The following IKZF2 variants were observed in gnomAD, a reference collection of about 807,000 sequenced individuals.
IKZF2 encodes the protein zinc finger protein Helios.
A neutral mutation model predicts 49.2 loss-of-function variants in IKZF2; 15 were observed. The observed-to-expected ratio is 0.30, with a 90% CI of 0.20 to 0.47. IKZF2 has a LOEUF of 0.47. Ranked by LOEUF, IKZF2 falls within the 20% of genes least tolerant of loss-of-function variation. IKZF2 has a pLI of 1.00. For missense variants in IKZF2, 567 were observed against 664.6 expected (o/e 0.85, Z 1.61); for synonymous variants, 227 against 221.4 (o/e 1.03, Z -0.23).
intron 4 of IKZF2, among the ~76,000 whole-genome samples, chr2:213,123,890 A>C (rs1391461920): frequency 6.6e-6 from 1 of 152,096 alleles, no homozygotes; most frequent in Non-Finnish European, 1.5e-5. Context: ...ACAAGCACTA[A>C]TACATAACAA....
chr2:213,093,618 T>C (rs1355851904), intron 4 of IKZF2, among the ~76,000 whole-genome samples: 1 of 152,196 alleles, frequency 6.6e-6, no homozygotes. Flanking sequence ...TTCTTTCAAC[T>C]GTAAGCTCTA....
Position 213,007,618 on chromosome 2 carries a change from G to A in IKZF2, c.1323C>T (p.Val441=). The change falls in exon 9 of 9, where the codon GTC becomes GTT. Residue 441 remains valine (V), a synonymous_variant. Coordinates refer to ENST00000434687, the MANE Select transcript of IKZF2 (RefSeq NM_001387220.1). Reference sequence around the variant, plus strand: ...GAGCCTTGGTAGTATCCAAAGCTTTGACATCCTCCTTCATGTAAGCTGGGC... The same window carrying A: ...GAGCCTTGGTAGTATCCAAAGCTTTAACATCCTCCTTCATGTAAGCTGGGC... ...KQSPAYMKED[V]KALDTTKAPK... is the part of the protein sequence containing the mutation. 1 of 1,613,714 alleles carries A rather than the reference G, an allele frequency of 6.2e-7. No individual in the cohort carries two copies. The highest frequency in any genetic ancestry group is 8.5e-7 in the Non-Finnish European group (1 of 1,179,752).
chr2:213,031,133 T>C (rs1220207634), intron 6 of IKZF2, among the ~76,000 whole-genome samples: 2 of 152,218 alleles, frequency 1.3e-5, no homozygotes, highest in African/African-American at 4.8e-5. Context: ...GCTGTGTTAA[T>C]ACTGTTTACT....
At position 213,005,982 on chromosome 2, in the gene IKZF2, G is replaced by C. The variant is rs572670349; in HGVS notation, c.*1378C>G. 6.6e-6 allele frequency: 1 copy of C among 152,146 alleles called. No homozygotes were observed. Among genetic ancestry groups the C allele is most frequent in the Admixed American group, 6.5e-5 (1 of 15,278 alleles). The allele number at this position is 152,146 out of a possible 1,614,324, so 9.4% of individuals were successfully genotyped here. On this transcript the variant is annotated 3_prime_UTR_variant, in exon 9 of 9. Transcript: ENST00000434687. ...CCTTTGGGGGTTCTGTCACATTCTA[G>C]ACTCCAAGAAGGGTAAAAGTAAACT...
intron 7 of IKZF2, among the ~76,000 whole-genome samples, chr2:213,021,084 A>G (rs968342323): frequency 6.6e-6 from 1 of 152,082 alleles, no homozygotes; most frequent in African/African-American, 2.4e-5. Flanking sequence ...CTGGTGGTAC[A>G]TGCCTGTAAT....
chr2:213,059,349 T>C (rs143716143), intron 4 of IKZF2, among the ~76,000 whole-genome samples: 231 of 151,822 alleles, frequency 1.5e-3, no homozygotes, highest in Non-Finnish European at 2.9e-3. Flanking sequence ...TAATTTCACA[T>C]GTTGAATTTT....
chr2:213,130,240 CAG>C, intron 4 of IKZF2, among the ~76,000 whole-genome samples: 1 of 152,258 alleles, frequency 6.6e-6, no homozygotes, highest in East Asian at 1.9e-4. Flanking sequence ...TTGGTAAAAA[CAG>C]AAACTCAGAA....
intron 7 of IKZF2, among the ~76,000 whole-genome samples, chr2:213,017,401 G>T (rs1256669977): frequency 6.6e-6 from 1 of 152,102 alleles, no homozygotes; most frequent in Non-Finnish European, 1.5e-5. Context: ...TATAGTAAAA[G>T]AAGTAAAATC....
At chr2:213,143,386 T>C (rs1022047351) in intron 4 of IKZF2, among the ~76,000 whole-genome samples, 1 of 151,930 alleles carries the variant, frequency 6.6e-6, no homozygotes, top group African/African-American at 2.4e-5. Context: ...AGATAGGGAG[T>C]TGGGAGCGGA....
intron 7 of IKZF2, among the ~76,000 whole-genome samples, chr2:213,019,989 T>C (rs532418968): frequency 1.9e-4 from 29 of 152,230 alleles, no homozygotes; most frequent in East Asian, 5.8e-4. Context: ...TATTACCATA[T>C]AGTCTTTTAG....
chr2:213,149,788 A>C (rs1162359889), intron 2 of IKZF2, among the ~76,000 whole-genome samples: 41 of 54,426 alleles, frequency 7.5e-4, no homozygotes, highest in African/African-American at 2.7e-3. Context: ...CCCCCCCCCC[A>C]AAAAAAAACT....
intron 4 of IKZF2, among the ~76,000 whole-genome samples, chr2:213,116,170 C>T (rs985368190): frequency 6.6e-6 from 1 of 152,026 alleles, no homozygotes; most frequent in African/African-American, 2.4e-5. Flanking sequence ...AAAAGAGATA[C>T]CAGTTAGTCC....
At chr2:213,118,659 T>G (rs1035583435) in intron 4 of IKZF2, among the ~76,000 whole-genome samples, 1 of 152,218 alleles carries the variant, frequency 6.6e-6, no homozygotes, top group Non-Finnish European at 1.5e-5. Context: ...AGAGTCACTT[T>G]CAGATTCTAA....
intron 7 of IKZF2, among the ~76,000 whole-genome samples, chr2:213,019,406 T>C (rs1241833077): frequency 1.3e-5 from 2 of 152,218 alleles, no homozygotes; most frequent in African/African-American, 4.8e-5. Context: ...GCTATTTATA[T>C]GAGACGTATG....
At chr2:213,050,043 T>A (rs1210945832) in intron 5 of IKZF2, among the ~76,000 whole-genome samples, 163 bp from the exon 6 acceptor site, 6 of 152,208 alleles carry the variant, frequency 3.9e-5, no homozygotes, top group Non-Finnish European at 7.3e-5. Flanking sequence ...GTCAATACAG[T>A]TACCAAAGTC....
chr2:213,133,995 G>A (rs1476975323), intron 4 of IKZF2, among the ~76,000 whole-genome samples: 1 of 152,060 alleles, frequency 6.6e-6, no homozygotes, highest in Non-Finnish European at 1.5e-5. Flanking sequence ...CTTCAACAAT[G>A]ATACACATGT....
In IKZF2 at chr2:213,031,229, T is replaced by C. The variant is rs181348594; in HGVS notation, c.575-9099A>G. ...TCTTGAGCACCTCCAGTATTCCATG[T>C]CCACGTTCTAGGTGCTGTAGATACA... On this transcript the variant is annotated intron_variant, in intron 6 of 8. Coordinates refer to ENST00000434687, the MANE Select transcript of IKZF2 (RefSeq NM_001387220.1). Among the ~76,000 whole-genome samples the C allele has an allele frequency of 1.5e-4, 23 of 152,342 alleles. No homozygotes were observed. In the East Asian group the frequency reaches 4.4e-3, roughly 29 times the overall value.
At chr2:213,042,912 G>T (rs1699799547) in intron 6 of IKZF2, among the ~76,000 whole-genome samples, 1 of 151,814 alleles carries the variant, frequency 6.6e-6, no homozygotes, top group Non-Finnish European at 1.5e-5. Context: ...TTTCAAAACT[G>T]CATTTTCCAT....
intron 4 of IKZF2, among the ~76,000 whole-genome samples, chr2:213,091,352 C>A (rs138646646): frequency 2.6e-5 from 4 of 151,962 alleles, no homozygotes; most frequent in Admixed American, 1.3e-4. Context: ...TTCTTGAGGT[C>A]GAAATGGAGA....
Sources: gnomAD v4.1 joint callset for allele counts (sites outside exome capture counted in the v4.1 genomes callset) on GRCh38, gnomAD v4.1.1 for gene constraint, MANE v1.5 for transcripts, NCBI Gene and HGNC (gene_info 2026-07-23, HGNC 2026-07-21) for gene names.